The following GTF2IRD1 variants were observed in gnomAD, a reference collection of about 807,000 sequenced individuals.
GTF2IRD1 encodes the protein general transcription factor II-I repeat domain-containing protein 1.
Under a neutral mutation model 113.2 loss-of-function variants are expected in GTF2IRD1, and 26 were observed. That is an observed-to-expected ratio of 0.23 (90% confidence interval 0.17 to 0.32). The LOEUF is 0.32. Among genes scored for constraint, GTF2IRD1 ranks in the 10% least tolerant of loss-of-function variants. The pLI, the probability that GTF2IRD1 is intolerant of heterozygous loss-of-function variation, is 1.00. For missense variants in GTF2IRD1, 864 were observed against 1,280.8 expected, an observed-to-expected ratio of 0.67 and a Z score of 4.97; for synonymous variants, 484 against 529.1, an observed-to-expected ratio of 0.91 and a Z score of 1.17.
At chr7:74,591,141 T>C (rs1802035317) in intron 24 of GTF2IRD1, 124 bp downstream of exon 24, 1 of 518,446 alleles carries the variant, frequency 1.9e-6, no homozygotes, top group Non-Finnish European at 3.4e-6. Flanking sequence ...CCTGCCTCTT[T>C]CTCCTGAAAC....
At chr7:74,454,383 C>T (rs935179502) in intron 1 of GTF2IRD1, among the ~76,000 whole-genome samples, 15 of 151,314 alleles carry the variant, frequency 9.9e-5, no homozygotes, top group Non-Finnish European at 1.9e-4. Flanking sequence ...GGAGGGACGG[C>T]CGCCCCCCAC....
chr7:74,540,639 G>C (rs1347495413), intron 14 of GTF2IRD1, among the ~76,000 whole-genome samples: 1 of 151,318 alleles, frequency 6.6e-6, no homozygotes, highest in African/African-American at 2.4e-5. Flanking sequence ...TGAAGAGATA[G>C]ATGGATAGTA....
intron 1 of GTF2IRD1, among the ~76,000 whole-genome samples, chr7:74,493,285 T>C (rs1313139568): frequency 1.3e-5 from 2 of 151,614 alleles, no homozygotes; most frequent in Admixed American, 1.3e-4. Context: ...AATTTTTTTT[T>C]ATTTTTTGTA....
At chr7:74,532,572 G>A (rs782336288) in intron 9 of GTF2IRD1, among the ~76,000 whole-genome samples, 1 of 152,008 alleles carries the variant, frequency 6.6e-6, no homozygotes, top group African/African-American at 2.4e-5. Flanking sequence ...ATAATAAAAC[G>A]ACAACCAATG....
intron 1 of GTF2IRD1, among the ~76,000 whole-genome samples, chr7:74,462,885 C>G (rs1793472484): frequency 6.6e-6 from 1 of 152,276 alleles, no homozygotes; most frequent in Non-Finnish European, 1.5e-5. Context: ...ATCCTCCCGC[C>G]GCCATCCAGG....
chr7:74,593,119 A>C (rs1323931931), intron 24 of GTF2IRD1, among the ~76,000 whole-genome samples: 2 of 151,952 alleles, frequency 1.3e-5, no homozygotes, highest in Admixed American at 6.6e-5. Context: ...GGCCTCCCAA[A>C]GTACTGGGAT....
intron 4 of GTF2IRD1, 108 bp downstream of exon 4, chr7:74,515,704 C>A: frequency 1.1e-6 from 1 of 937,544 alleles, no homozygotes; most frequent in Non-Finnish European, 1.6e-6. Flanking sequence ...CTGGGCAAAG[C>A]CGGACCCCAA....
chr7:74,481,735 C>A (rs1794752057), intron 1 of GTF2IRD1, among the ~76,000 whole-genome samples: 1 of 152,112 alleles, frequency 6.6e-6, no homozygotes, highest in South Asian at 2.1e-4. Context: ...TGTGGATGTA[C>A]CAAGTGAAAG....
intron 26 of GTF2IRD1, chr7:74,601,536 G>T: frequency 7.5e-7 from 1 of 1,328,046 alleles, no homozygotes. Context: ...ACTTTGGCAG[G>T]TCAAGTCGGG....
At chr7:74,493,862 G>T (rs1795500659) in intron 1 of GTF2IRD1, among the ~76,000 whole-genome samples, 1 of 152,028 alleles carries the variant, frequency 6.6e-6, no homozygotes, top group Non-Finnish European at 1.5e-5. Flanking sequence ...GGGACTACAG[G>T]CATGCACCAC....
intron 22 of GTF2IRD1, among the ~76,000 whole-genome samples, chr7:74,572,944 G>A (rs955536720): frequency 1.8e-4 from 28 of 152,092 alleles, no homozygotes; most frequent in African/African-American, 4.1e-4. Flanking sequence ...TTGGCCCGAC[G>A]CCTCCTTTCT....
At chr7:74,513,068 G>A in intron 3 of GTF2IRD1, 97 bp downstream of exon 3, 6 of 1,193,614 alleles carry the variant, frequency 5.0e-6, no homozygotes, top group Non-Finnish European at 6.0e-6. Flanking sequence ...TAGCCAGGGT[G>A]GCGGTGTGTG....
Position 74,515,267 on chromosome 7 carries a change from T to C in GTF2IRD1, c.266-174T>C, listed in dbSNP as rs1261914268. ...TGAGATGACCAGCCCTGGCCCTCAG[T>C]GGGGTGGTTGGAATAGGGCTTGCTC... On this transcript the variant is annotated intron_variant, in intron 3 of 26. Transcript: ENST00000424337. 9 of 1,340,242 alleles carry C rather than the reference T, an allele frequency of 6.7e-6. No homozygotes were observed. In the Admixed American group the frequency reaches 1.8e-4, roughly 27 times the overall value. The allele number at this position is 1,340,242 out of a possible 1,614,324, so 83.0% of individuals were successfully genotyped here.
Position 74,502,525 on chromosome 7 carries a change from T to A in GTF2IRD1, c.-6-5550T>A, listed in dbSNP as rs141796080. 9.8e-5 allele frequency among the ~76,000 whole-genome samples: 15 copies of A among 152,356 alleles called. No homozygotes were observed. The East Asian group carries it at 2.5e-3, about 25-fold the overall frequency. ...GAAATCACAGCTGGATTTCTGTTAG[T>A]TCACTGTCACCCTGGCCCCAGGGCT... On this transcript the variant is annotated intron_variant, in intron 1 of 26. Coordinates refer to ENST00000424337, the MANE Select transcript of GTF2IRD1 (RefSeq NM_005685.4).
At chr7:74,600,356 C>A (rs987263399) in intron 25 of GTF2IRD1, among the ~76,000 whole-genome samples, 8 of 151,922 alleles carry the variant, frequency 5.3e-5, no homozygotes, top group Non-Finnish European at 7.4e-5. Flanking sequence ...GACTTGGAAG[C>A]TGCAGTGAGC....
chr7:74,597,263 C>G (rs755121571), intron 25 of GTF2IRD1, among the ~76,000 whole-genome samples: 2 of 151,420 alleles, frequency 1.3e-5, no homozygotes, highest in Admixed American at 6.6e-5. Flanking sequence ...AGGCTGGTCT[C>G]GAACTCCTGA....
At chr7:74,460,939 T>C (rs1252485553) in intron 1 of GTF2IRD1, among the ~76,000 whole-genome samples, 1 of 152,064 alleles carries the variant, frequency 6.6e-6, no homozygotes, top group Non-Finnish European at 1.5e-5. Flanking sequence ...CTGAGGCAGG[T>C]TCCCAGCACC....
chr7:74,492,170 A>ATT (rs782415786), intron 1 of GTF2IRD1, among the ~76,000 whole-genome samples: 14 of 135,780 alleles, frequency 1.0e-4, no homozygotes, highest in Admixed American at 3.0e-4. Flanking sequence ...TTCCCGGCTA[A>ATT]TTTTTTTTTT....
chr7:74,541,331 A>AT lies in GTF2IRD1; in HGVS notation c.1618+1372dup, dbSNP rs377036636. On this transcript the variant is annotated intron_variant, in intron 14 of 26. Transcript: ENST00000424337. ...CATAGCAAGACTCCATCTCTAAAAG[A>AT]TTTTTTTTTAATTGACTGACACAGT... Among the ~76,000 whole-genome samples, 517 of 151,546 alleles carry AT rather than the reference A, an allele frequency of 3.4e-3. 8 individuals are homozygous for AT. The East Asian group carries it at 0.056, about 16-fold the overall frequency.
Sources: allele counts gnomAD v4.1 joint callset (sites outside exome capture counted in the v4.1 genomes callset), GRCh38; gene constraint gnomAD v4.1.1; transcripts MANE v1.5; gene names NCBI Gene and HGNC (gene_info 2026-07-23, HGNC 2026-07-21).